FLRT1: variants seen among roughly 807,000 people sequenced by gnomAD.
FLRT1 encodes leucine-rich repeat transmembrane protein FLRT1.
Under a neutral mutation model 30.9 loss-of-function variants are expected in FLRT1, and 14 were observed. That is an observed-to-expected ratio of 0.45 (90% CI 0.30 to 0.71). The LOEUF (loss-of-function observed/expected upper bound fraction) is 0.71. Among genes scored for constraint, FLRT1 ranks in the 30% least tolerant of loss-of-function variants. The pLI is 0.08. For missense variants in FLRT1, 737 were observed against 949.2 expected (o/e 0.78, Z 2.94); for synonymous variants, 368 against 430.4 (o/e 0.85, Z 1.80).
chr11:64,112,349 C>T (rs538215978), intron 2 of FLRT1, among the ~76,000 whole-genome samples: 2 of 152,066 alleles, frequency 1.3e-5, no homozygotes, highest in Non-Finnish European at 2.9e-5. Context: ...CCCGTCTCTA[C>T]TAAAAATACA....
chr11:64,053,088 C>G (rs564924746), intron 1 of FLRT1, among the ~76,000 whole-genome samples: 1 of 152,210 alleles, frequency 6.6e-6, no homozygotes, highest in African/African-American at 2.4e-5. Context: ...CCCTCCAGCA[C>G]GCTGGGCCTG....
At chr11:64,070,139 CTG>C (rs984640321) in intron 1 of FLRT1, among the ~76,000 whole-genome samples, 1 of 152,170 alleles carries the variant, frequency 6.6e-6, no homozygotes, top group African/African-American at 2.4e-5. Context: ...GATGTGGAAA[CTG>C]AGGCCCGGAG....
intron 1 of FLRT1, among the ~76,000 whole-genome samples, chr11:64,098,204 T>TCC (rs978114286): frequency 6.6e-6 from 1 of 152,006 alleles, no homozygotes; most frequent in Non-Finnish European, 1.5e-5. Flanking sequence ...CCTCACAGCC[T>TCC]CCCCCCTGCC....
intron 1 of FLRT1, among the ~76,000 whole-genome samples, chr11:64,061,568 C>G (rs1318743829): frequency 6.6e-6 from 1 of 152,244 alleles, no homozygotes; most frequent in East Asian, 1.9e-4. Context: ...GCACCACCCC[C>G]CATTTGCTGC....
chr11:64,073,477 A>G (rs1354337979), intron 1 of FLRT1, among the ~76,000 whole-genome samples: 1 of 152,248 alleles, frequency 6.6e-6, no homozygotes, highest in Admixed American at 6.5e-5. Context: ...GGTGGACAGC[A>G]TGAAACTGGA....
chr11:64,040,248 G>A (rs1034411405), intron 1 of FLRT1, among the ~76,000 whole-genome samples: 1 of 152,090 alleles, frequency 6.6e-6, no homozygotes, highest in Non-Finnish European at 1.5e-5. Flanking sequence ...AGTAACAGAG[G>A]GGCCTGCTGA....
At chr11:64,074,876 A>T (rs1338057593) in intron 1 of FLRT1, among the ~76,000 whole-genome samples, 1 of 152,172 alleles carries the variant, frequency 6.6e-6, no homozygotes, top group East Asian at 1.9e-4. Flanking sequence ...GATCCTGAAC[A>T]TGCCCCTTTC....
intron 1 of FLRT1, among the ~76,000 whole-genome samples, chr11:64,044,654 G>A (rs968216374): frequency 3.3e-5 from 5 of 152,160 alleles, no homozygotes; most frequent in Non-Finnish European, 5.9e-5. Flanking sequence ...GGGGAACCAC[G>A]TTCATTAGGG....
chr11:64,110,667 G>A (rs569653206), intron 2 of FLRT1, among the ~76,000 whole-genome samples: 16 of 152,180 alleles, frequency 1.1e-4, no homozygotes, highest in Admixed American at 2.6e-4. Context: ...CCCGTGGCCC[G>A]CTAAGGATCC....
At chr11:64,109,100 G>A (rs1033137819) in intron 2 of FLRT1, among the ~76,000 whole-genome samples, 1 of 152,184 alleles carries the variant, frequency 6.6e-6, no homozygotes, top group African/African-American at 2.4e-5. Context: ...CCCCATCCCA[G>A]GGATGGGACA....
intron 1 of FLRT1, among the ~76,000 whole-genome samples, chr11:64,084,412 T>C (rs1036310040): frequency 1.3e-5 from 2 of 151,898 alleles, no homozygotes; most frequent in African/African-American, 4.8e-5. Context: ...TGCCTACCTT[T>C]CCCGCGAAGC....
At position 64,118,605 on chromosome 11, in the gene FLRT1, TTC is replaced by T. The variant is rs1491395838; in HGVS notation, c.*314_*315del. ...CAGGGCTGGGTTGGGTTTTTTTTTT[TTC>T]CCCCCTGAACTGGAAGGATACTACC... On this transcript the variant is annotated 3_prime_UTR_variant, in exon 3 of 3. Transcript: ENST00000682287. 43 of 288,272 alleles carry T rather than the reference TTC, an allele frequency of 1.5e-4. No homozygotes were observed. Among genetic ancestry groups the T allele is most frequent in the South Asian group, 2.7e-4 (3 of 10,992 alleles). The allele number at this position is 288,272 out of a possible 1,614,324, so 17.9% of individuals were successfully genotyped here. A position where few individuals can be genotyped will look rare whatever the true frequency, so the allele number is the denominator to read the frequency against.
At chr11:64,093,039 G>A (rs1364021552) in intron 1 of FLRT1, among the ~76,000 whole-genome samples, 2 of 152,152 alleles carry the variant, frequency 1.3e-5, no homozygotes, top group African/African-American at 2.4e-5. Context: ...TTGAGGACCC[G>A]GAGTGGAGAG....
At chr11:64,092,230 C>G (rs1395413970) in intron 1 of FLRT1, among the ~76,000 whole-genome samples, 1 of 152,240 alleles carries the variant, frequency 6.6e-6, no homozygotes, top group African/African-American at 2.4e-5. Context: ...CTCCCCTGTT[C>G]TTGTCTTTCT....
intron 1 of FLRT1, among the ~76,000 whole-genome samples, chr11:64,037,414 C>T (rs1350049941): frequency 1.3e-5 from 2 of 152,208 alleles, no homozygotes; most frequent in Non-Finnish European, 2.9e-5. Flanking sequence ...CTTCCGCCAG[C>T]CCCGGGAGGA....
chr11:64,077,818 GGGCA>G (rs1944231384), intron 1 of FLRT1, among the ~76,000 whole-genome samples: 3 of 152,240 alleles, frequency 2.0e-5, no homozygotes, highest in Admixed American at 2.0e-4. Context: ...TCGGACATTT[GGGCA>G]AGGAGTCTCC....
At chr11:64,101,609 C>T (rs1411809240) in intron 1 of FLRT1, among the ~76,000 whole-genome samples, 2 of 152,178 alleles carry the variant, frequency 1.3e-5, no homozygotes, top group Non-Finnish European at 1.5e-5. Context: ...TTCCATCTCT[C>T]GCTTTCATGG....
At chr11:64,080,362 A>C (rs1222085318) in intron 1 of FLRT1, among the ~76,000 whole-genome samples, 1 of 152,174 alleles carries the variant, frequency 6.6e-6, no homozygotes, top group Non-Finnish European at 1.5e-5. Flanking sequence ...AAACATTGAG[A>C]TATAACTCAC....
chr11:64,038,004 G>A (rs986463701), intron 1 of FLRT1, among the ~76,000 whole-genome samples: 2 of 152,202 alleles, frequency 1.3e-5, no homozygotes, highest in African/African-American at 4.8e-5. Context: ...AGGGACTTCA[G>A]AGGGTCGGGG....
Sources: allele counts gnomAD v4.1 joint callset (sites outside exome capture counted in the v4.1 genomes callset), GRCh38; gene constraint gnomAD v4.1.1; transcripts MANE v1.5; gene names NCBI Gene and HGNC (gene_info 2026-07-23, HGNC 2026-07-21).